MAPT: variants seen among roughly 807,000 people sequenced by gnomAD.
The protein encoded by MAPT is microtubule associated protein tau.
MAPT carries 34 observed loss-of-function variants against 67.9 expected under a neutral mutation model. That is an observed-to-expected ratio of 0.50 (90% CI 0.38 to 0.67). The LOEUF is 0.67. MAPT is among the 30% of genes least tolerant of loss of function. The pLI is 0.00. For missense variants in MAPT, 881 were observed against 1,115.2 expected (o/e 0.79, Z 2.99); for synonymous variants, 456 against 464.5 (o/e 0.98, Z 0.23).
intron 1 of MAPT, chr17:45,910,839 A>G (rs2435204): frequency 0.15 from 22,407 of 152,128 alleles, 2,264 homozygotes; most frequent in Non-Finnish European, 0.22. Context: ...GGGTGCTGCC[A>G]GCCCTGCCAG....
chr17:46,011,474 T>G (rs550335466), intron 10 of MAPT, among the ~76,000 whole-genome samples: 3 of 152,336 alleles, frequency 2.0e-5, no homozygotes, highest in African/African-American at 4.8e-5. Context: ...GTGCATCTTC[T>G]GTGGAGTGTC....
At chr17:45,928,394 C>A (rs1342557573) in intron 1 of MAPT, among the ~76,000 whole-genome samples, 3 of 151,748 alleles carry the variant, frequency 2.0e-5, no homozygotes, top group African/African-American at 7.3e-5. Flanking sequence ...TTTTCTCCAA[C>A]ACCCACACTA....
At chr17:45,967,084 C>G (rs550773493) in intron 2 of MAPT, among the ~76,000 whole-genome samples, 45 of 152,248 alleles carry the variant, frequency 3.0e-4, no homozygotes, top group African/African-American at 1.1e-3. Context: ...AGAAACTACA[C>G]GTTAAATGCC....
chr17:45,954,822 TA>T (rs1316320357), intron 1 of MAPT, among the ~76,000 whole-genome samples: 1 of 149,280 alleles, frequency 6.7e-6, no homozygotes, highest in Non-Finnish European at 1.5e-5. Context: ...CTACTAAAAA[TA>T]CAAAAAAAAA....
intron 10 of MAPT, among the ~76,000 whole-genome samples, chr17:46,012,485 C>T (rs928276864): frequency 1.3e-5 from 2 of 152,154 alleles, no homozygotes; most frequent in Non-Finnish European, 2.9e-5. Flanking sequence ...AAGCCCTTCT[C>T]CTGGTGAGAA....
intron 5 of MAPT, 70 bp downstream of exon 5, chr17:45,984,000 A>G (rs2073285681): frequency 7.4e-7 from 1 of 1,358,910 alleles, no homozygotes; most frequent in Non-Finnish European, 1.0e-6. Context: ...GGGCACTGCC[A>G]CTGAGCTTCC....
intron 12 of MAPT, 44 bp from the exon 13 acceptor site, chr17:46,023,912 C>T: frequency 6.4e-7 from 1 of 1,559,574 alleles, no homozygotes. Context: ...GCTGGTCTTT[C>T]TCTGGCACTT....
At chr17:45,909,796 C>T (rs1280155630) in intron 1 of MAPT, among the ~76,000 whole-genome samples, 2 of 147,748 alleles carry the variant, frequency 1.4e-5, no homozygotes, top group Admixed American at 1.4e-4. Context: ...TCGCTTGAAT[C>T]CAGGAGGTGG....
intron 1 of MAPT, among the ~76,000 whole-genome samples, chr17:45,917,132 C>G (rs2065266057): frequency 6.8e-6 from 1 of 148,118 alleles, no homozygotes; most frequent in African/African-American, 2.4e-5. Flanking sequence ...TTCCCACTTT[C>G]TTCTGTAGTG....
intron 1 of MAPT, among the ~76,000 whole-genome samples, chr17:45,951,341 G>A (rs74903707): frequency 0.14 from 21,823 of 152,180 alleles, 2,141 homozygotes; most frequent in Non-Finnish European, 0.22. Flanking sequence ...ATTTTAAATC[G>A]TTCTTTACGT....
chr17:45,913,893 C>T (rs1024581676), intron 1 of MAPT, among the ~76,000 whole-genome samples: 14 of 152,128 alleles, frequency 9.2e-5, no homozygotes, highest in Admixed American at 3.3e-4. Context: ...GAGACCACCA[C>T]CCTTGGGCTT....
intron 9 of MAPT, among the ~76,000 whole-genome samples, chr17:45,997,247 A>G (rs62063853): frequency 0.14 from 22,047 of 152,082 alleles, 2,132 homozygotes; most frequent in Non-Finnish European, 0.22. Flanking sequence ...CCCTTTCCCC[A>G]TTCCTGTCCC....
At chr17:46,017,911 C>T (rs1040299636) in intron 11 of MAPT, among the ~76,000 whole-genome samples, 1 of 151,148 alleles carries the variant, frequency 6.6e-6, no homozygotes, top group African/African-American at 2.4e-5. Flanking sequence ...TTTGGGAGGC[C>T]GAGGCAGGCA....
intron 1 of MAPT, among the ~76,000 whole-genome samples, chr17:45,941,684 T>TTCCACCCTTCCCCCCTTCCCCCCTTCCC (rs1555690336): frequency 1.9e-5 from 1 of 51,418 alleles, no homozygotes; most frequent in Non-Finnish European, 3.4e-5. Flanking sequence ...CCTTCCCTCC[T>TTCCACCCTTCCCCCCTTCCCCCCTTCCC]TCCTTCCTTC....
chr17:45,966,162 C>G (rs1264499256), intron 2 of MAPT, among the ~76,000 whole-genome samples: 3 of 152,194 alleles, frequency 2.0e-5, no homozygotes, highest in Non-Finnish European at 4.4e-5. Context: ...ATGTATTATG[C>G]TGCAACAAAT....
chr17:45,999,527 G>A (rs2145875805), intron 9 of MAPT: 1 of 1,613,906 alleles, frequency 6.2e-7, no homozygotes, highest in South Asian at 1.1e-5. Context: ...TCTGAAGAGA[G>A]CAGCAGGAAT....
chr17:45,946,635 T>A (rs1452173232), intron 1 of MAPT, among the ~76,000 whole-genome samples: 3 of 135,838 alleles, frequency 2.2e-5, no homozygotes, highest in Non-Finnish European at 3.2e-5. Flanking sequence ...TATATATATA[T>A]ATATGTCAAA....
rs71375326 is a variant in MAPT at position 45,927,957 on chromosome 17, G to A, written c.-18+33271G>A. 4.5e-3 allele frequency among the ~76,000 whole-genome samples: 643 copies of A among 141,720 alleles called. 2 individuals are homozygous for A. Among genetic ancestry groups the A allele is most frequent in the African/African-American group, 0.015 (582 of 37,794 alleles). 93.0% of individuals were successfully genotyped at this position (141,720 alleles called of 152,430 possible). On this transcript the variant is annotated intron_variant, in intron 1 of 12. Coordinates refer to ENST00000262410, the MANE Select transcript of MAPT (RefSeq NM_001377265.1). ...GGAGGTTGCAGTGAGCCGAGATGGC[G>A]CCACTGCACTCCAGCCTGGGTGACA...
intron 1 of MAPT, among the ~76,000 whole-genome samples, chr17:45,903,838 AT>A (rs66789589): frequency 1.9e-5 from 1 of 52,986 alleles, no homozygotes; most frequent in African/African-American, 6.6e-5. Flanking sequence ...TATATTATAT[AT>A]TTTATATATT....
Sources: allele counts gnomAD v4.1 joint callset (sites outside exome capture counted in the v4.1 genomes callset), GRCh38; gene constraint gnomAD v4.1.1; transcripts MANE v1.5; gene names NCBI Gene and HGNC (gene_info 2026-07-23, HGNC 2026-07-21).